CNTNAP4: variants seen among roughly 807,000 people sequenced by gnomAD.
CNTNAP4 encodes the protein contactin-associated protein-like 4.
In CNTNAP4, 98 loss-of-function variants were observed where a neutral mutation model predicts 148.4. That is an observed-to-expected ratio of 0.66 (90% CI 0.56 to 0.78). The LOEUF is 0.78. Among genes scored for constraint, CNTNAP4 ranks in the 30% least tolerant of loss-of-function variants. The pLI is 0.00. For synonymous variants in CNTNAP4, 730 were observed against 565.1 expected (o/e 1.29, Z -4.14); for missense variants, 1,935 against 1,565.6 (o/e 1.24, Z -3.98).
At chr16:76,398,226 A>G (rs1009540173) in intron 3 of CNTNAP4, among the ~76,000 whole-genome samples, 3 of 150,958 alleles carry the variant, frequency 2.0e-5, no homozygotes, top group Non-Finnish European at 4.4e-5. Context: ...AGCTGATTAG[A>G]TGGTGCCCAC....
Position 76,462,059 on chromosome 16 carries a change from G to C in CNTNAP4, c.1437G>C (p.Leu479=), listed in dbSNP as rs761879133. The change falls in exon 9 of 24, where the codon CTG becomes CTC. Residue 479 remains leucine, a synonymous_variant. Coordinates refer to ENST00000611870, the MANE Select transcript of CNTNAP4 (RefSeq NM_033401.5). ...VDGQMASAAP[L]LGPEQIYSGG... ...GCCAGATGGCTTCTGCTGCTCCTCT[G>C]CTGGGGCCTGAGCAGATTTATTCGG... The C allele has an allele frequency of 6.2e-7, 1 of 1,613,842 alleles. No individual in the cohort carries two copies. Among genetic ancestry groups the C allele is most frequent in the Non-Finnish European group, 8.5e-7 (1 of 1,179,832 alleles).
chr16:76,285,417 C>G (rs1379074592), intron 1 of CNTNAP4, among the ~76,000 whole-genome samples: 1 of 151,948 alleles, frequency 6.6e-6, no homozygotes, highest in Non-Finnish European at 1.5e-5. Context: ...AAATTTATCT[C>G]CAAGGTTTTT....
chr16:76,366,842 A>T, intron 3 of CNTNAP4, among the ~76,000 whole-genome samples: 1 of 152,186 alleles, frequency 6.6e-6, no homozygotes, highest in Non-Finnish European at 1.5e-5. Context: ...AATATTACTA[A>T]AGGACATAGA....
chr16:76,410,152 A>G (rs370152384), intron 3 of CNTNAP4, among the ~76,000 whole-genome samples: 35 of 151,822 alleles, frequency 2.3e-4, no homozygotes, highest in African/African-American at 7.7e-4. Flanking sequence ...AAAAGTTTGG[A>G]TGAGCATACT....
chr16:76,549,031 G>T (rs2084854913), intron 21 of CNTNAP4, among the ~76,000 whole-genome samples: 1 of 152,092 alleles, frequency 6.6e-6, no homozygotes, highest in African/African-American at 2.4e-5. Flanking sequence ...CTACCCCACC[G>T]ACGCTTCTGA....
chr16:76,430,473 C>T (rs1428034676), intron 4 of CNTNAP4, among the ~76,000 whole-genome samples: 1 of 152,038 alleles, frequency 6.6e-6, no homozygotes, highest in African/African-American at 2.4e-5. Context: ...TAGCACAGAC[C>T]CAAGATCAGA....
chr16:76,347,137 TTGTGTGTG>T lies in CNTNAP4; in HGVS notation c.197-8159_197-8152del, dbSNP rs56664519. ...AGCTGTGTAGGTGTGAGGCAATTGG[TTGTGTGTG>T]TGTGTGTGTGTGTGTGTGTGTATCT... On this transcript the variant is annotated intron_variant, in intron 2 of 23. Coordinates refer to ENST00000611870, the MANE Select transcript of CNTNAP4 (RefSeq NM_033401.5). Among the ~76,000 whole-genome samples the T allele has an allele frequency of 7.3e-4, 109 of 149,560 alleles. 1 individual carries two copies. Among genetic ancestry groups the T allele is most frequent in the Middle Eastern group, 3.5e-3 (1 of 286 alleles).
At chr16:76,555,470 C>T (rs886293673) in intron 23 of CNTNAP4, among the ~76,000 whole-genome samples, 2 of 152,024 alleles carry the variant, frequency 1.3e-5, no homozygotes, top group African/African-American at 4.8e-5. Flanking sequence ...ACAATGTGTC[C>T]AAGAGTTTAA....
At chr16:76,516,506 T>C (rs904722145) in intron 15 of CNTNAP4, among the ~76,000 whole-genome samples, 2 of 152,228 alleles carry the variant, frequency 1.3e-5, no homozygotes, top group Non-Finnish European at 2.9e-5. Flanking sequence ...CACCACACTG[T>C]CTTCCACAAT....
chr16:76,346,516 G>T (rs543867211), intron 2 of CNTNAP4, among the ~76,000 whole-genome samples: 1 of 151,742 alleles, frequency 6.6e-6, no homozygotes, highest in African/African-American at 2.4e-5. Context: ...TCTCTCCGAT[G>T]CATGATGTCA....
chr16:76,483,120 G>A (rs184979818), intron 12 of CNTNAP4, among the ~76,000 whole-genome samples: 1 of 152,086 alleles, frequency 6.6e-6, no homozygotes, highest in Non-Finnish European at 1.5e-5. Flanking sequence ...TAAATTCTAT[G>A]TTCCCATAAA....
chr16:76,451,569 TTAAAA>T (rs1261598098), intron 7 of CNTNAP4, among the ~76,000 whole-genome samples: 8 of 150,072 alleles, frequency 5.3e-5, no homozygotes, highest in African/African-American at 2.0e-4. Flanking sequence ...GCAAAATTAT[TTAAAA>T]TAAAAATAAA....
intron 1 of CNTNAP4, among the ~76,000 whole-genome samples, chr16:76,299,063 A>G (rs889557595): frequency 1.4e-5 from 2 of 146,444 alleles, no homozygotes; most frequent in African/African-American, 5.5e-5. Context: ...CCTAGGCAGT[A>G]CTACTATTCA....
In CNTNAP4 at chr16:76,505,770, C is replaced by G. The variant is rs144654576; in HGVS notation, c.2365+7076C>G. 9.5e-4 allele frequency among the ~76,000 whole-genome samples: 92 copies of G among 97,102 alleles called. 11 individuals carry two copies. Among genetic ancestry groups the G allele is most frequent in the African/African-American group, 2.2e-3 (86 of 38,762 alleles). The allele number at this position is 97,102 out of a possible 152,430, so 63.7% of individuals were successfully genotyped here. A position where few individuals can be genotyped will look rare whatever the true frequency, so the allele number is the denominator to read the frequency against. ...GAATTGGAGGCTGAGTGCAGTGGCT[C>G]AAACCTATAATCCCAGGGCTATAGG... is the stretch of plus-strand genomic sequence containing the variant. On this transcript the variant is annotated intron_variant, in intron 15 of 23. Coordinates refer to ENST00000611870, the MANE Select transcript of CNTNAP4 (RefSeq NM_033401.5).
At chr16:76,429,673 G>A (rs902146441) in intron 4 of CNTNAP4, among the ~76,000 whole-genome samples, 2 of 152,108 alleles carry the variant, frequency 1.3e-5, no homozygotes, top group Non-Finnish European at 2.9e-5. Context: ...GATAGCTAAG[G>A]TACAGGTTCT....
chr16:76,510,315 G>A (rs1030075207), intron 15 of CNTNAP4, among the ~76,000 whole-genome samples: 1 of 152,062 alleles, frequency 6.6e-6, no homozygotes. Flanking sequence ...CAGTGTTGTA[G>A]AATACATCAA....
At chr16:76,476,394 A>T (rs941977380) in intron 11 of CNTNAP4, among the ~76,000 whole-genome samples, 1 of 152,196 alleles carries the variant, frequency 6.6e-6, no homozygotes, top group African/African-American at 2.4e-5. Flanking sequence ...TCAGTTACCA[A>T]ATTCTTACTA....
At chr16:76,425,714 C>G (rs1227192427) in intron 3 of CNTNAP4, among the ~76,000 whole-genome samples, 1 of 152,122 alleles carries the variant, frequency 6.6e-6, no homozygotes, top group Non-Finnish European at 1.5e-5. Context: ...GGGGAAAGAA[C>G]TTTCAGAGCA....
intron 1 of CNTNAP4, among the ~76,000 whole-genome samples, chr16:76,298,420 T>A (rs1252618063): frequency 6.6e-6 from 1 of 152,082 alleles, no homozygotes; most frequent in African/African-American, 2.4e-5. Context: ...CAGTCTAGCT[T>A]TTATGAATGG....
Sources: gnomAD v4.1 joint callset for allele counts (sites outside exome capture counted in the v4.1 genomes callset) on GRCh38, gnomAD v4.1.1 for gene constraint, MANE v1.5 for transcripts, NCBI Gene and HGNC (gene_info 2026-07-23, HGNC 2026-07-21) for gene names.